FRMPD4: variants seen among roughly 807,000 people sequenced by gnomAD.
FRMPD4 encodes the protein FERM and PDZ domain-containing protein 4.
A neutral mutation model predicts 94.1 loss-of-function variants in FRMPD4; 22 were observed. The observed-to-expected ratio is 0.23, with a 90% CI of 0.17 to 0.33. FRMPD4 has a LOEUF of 0.33. Among genes scored for constraint, FRMPD4 ranks in the 10% least tolerant of loss-of-function variants. FRMPD4 has a pLI of 1.00. For synonymous variants in FRMPD4, 631 were observed against 548.6 expected (o/e 1.15, Z -2.10); for missense variants, 1,111 against 1,339.9 (o/e 0.83, Z 2.67).
chrX:12,476,561 C>G (rs1461568690), intron 1 of FRMPD4, among the ~76,000 whole-genome samples: 1 of 111,273 alleles, frequency 9.0e-6, no homozygotes, highest in African/African-American at 3.3e-5. Flanking sequence ...TTGCAATCTA[C>G]TCATCTGACA....
At chrX:12,318,419 G>A (rs964465105) in intron 1 of FRMPD4, among the ~76,000 whole-genome samples, 14 of 111,845 alleles carry the variant, frequency 1.3e-4, no homozygotes, top group African/African-American at 3.9e-4. Context: ...TAGCTACTTG[G>A]GAGGCTGAGA....
intron 5 of FRMPD4, among the ~76,000 whole-genome samples, chrX:12,681,730 C>A (rs1008328651): frequency 9.0e-6 from 1 of 110,981 alleles, no homozygotes. Flanking sequence ...CACGCACACA[C>A]ACGCACCCCA....
upstream of FRMPD4, among the ~76,000 whole-genome samples, chrX:12,137,991 G>A (rs781066407): frequency 3.3e-4 from 37 of 111,394 alleles, no homozygotes; most frequent in African/African-American, 1.1e-3. Context: ...CTCGAGGAGG[G>A]AGCAGCTGTG....
intron 3 of FRMPD4, among the ~76,000 whole-genome samples, chrX:12,001,183 T>G (rs6639122): frequency 0.088 from 9,823 of 111,306 alleles, 364 homozygotes; most frequent in East Asian, 0.24. Flanking sequence ...TCTCTCTATA[T>G]ACACCCCACT....
At chrX:11,881,907 A>G (rs2147313908) in intron 3 of FRMPD4, among the ~76,000 whole-genome samples, 1 of 111,906 alleles carries the variant, frequency 8.9e-6, no homozygotes, top group African/African-American at 3.2e-5. Context: ...ACTAAGACAT[A>G]CCAAGAACAG....
chrX:12,396,988 G>T (rs2056549826), intron 1 of FRMPD4, among the ~76,000 whole-genome samples: 1 of 111,485 alleles, frequency 9.0e-6, no homozygotes, highest in African/African-American at 3.3e-5. Flanking sequence ...TATTTCCCAG[G>T]TACTGAGGAG....
intron 1 of FRMPD4, among the ~76,000 whole-genome samples, chrX:12,273,033 C>A (rs1296577895): frequency 2.8e-5 from 3 of 108,049 alleles, no homozygotes; most frequent in Non-Finnish European, 5.7e-5. Context: ...GCCAAGATTG[C>A]ACCACTGTAC....
intron 1 of FRMPD4, among the ~76,000 whole-genome samples, chrX:12,200,504 T>G (rs975681936): frequency 7.1e-4 from 79 of 111,313 alleles, no homozygotes; most frequent in African/African-American, 2.5e-3. Context: ...TTTAAAATTT[T>G]TATTATTTTT....
intron 1 of FRMPD4, among the ~76,000 whole-genome samples, chrX:12,151,703 T>C (rs753762371): frequency 1.8e-5 from 2 of 112,194 alleles, no homozygotes; most frequent in Non-Finnish European, 3.8e-5. Flanking sequence ...ATTCTATCCT[T>C]AAGTTTTTAC....
chrX:12,535,767 A>G (rs1047256736), intron 2 of FRMPD4, among the ~76,000 whole-genome samples: 4 of 111,429 alleles, frequency 3.6e-5, no homozygotes, highest in Admixed American at 9.6e-5. Context: ...TTTGCACTAC[A>G]ATGGCAGTTT....
intron 4 of FRMPD4, among the ~76,000 whole-genome samples, chrX:12,638,528 A>G (rs1467582513): frequency 9.0e-6 from 1 of 111,652 alleles, no homozygotes; most frequent in African/African-American, 3.3e-5. Flanking sequence ...GAGCCACTGC[A>G]CCTGACCTGG....
intron 3 of FRMPD4, among the ~76,000 whole-genome samples, chrX:12,105,259 A>G (rs1469045044): frequency 8.9e-6 from 1 of 112,056 alleles, no homozygotes; most frequent in Non-Finnish European, 1.9e-5. Flanking sequence ...TGGCATTGGC[A>G]CAAACCATAC....
At chrX:11,999,807 G>A (rs1202356605) in intron 3 of FRMPD4, among the ~76,000 whole-genome samples, 1 of 111,711 alleles carries the variant, frequency 9.0e-6, no homozygotes, top group African/African-American at 3.3e-5. Flanking sequence ...GAACACACCA[G>A]CTCCCTCAAC....
Position 12,704,479 on chromosome X carries a change from T to C in FRMPD4, c.1191T>C (p.Gly397=), listed in dbSNP as rs2041841508. Residue 397 remains glycine, a synonymous_variant, in exon 11 of 17, where the codon GGT becomes GGC. Transcript: ENST00000675598. ...VKANQNLVPP[G]KKLSALQAKV... is the part of the protein sequence containing the mutation. ...CAAATCAAAACTTGGTACCACCGGG[T>C]AAAAAGGTATCACATTTCCATCTTA... 1.7e-6 allele frequency: 2 copies of C among 1,163,450 alleles called. No individual in the cohort carries two copies. Among genetic ancestry groups the C allele is most frequent in the East Asian group, 6.0e-5 (2 of 33,229 alleles).
intron 3 of FRMPD4, among the ~76,000 whole-genome samples, chrX:12,612,837 G>C (rs933346104): frequency 1.8e-5 from 2 of 112,002 alleles, no homozygotes; most frequent in African/African-American, 6.5e-5. Flanking sequence ...TGGTTTTTCT[G>C]AGTTCCTTAT....
intron 1 of FRMPD4, among the ~76,000 whole-genome samples, chrX:12,455,559 G>A (rs1378860805): frequency 8.9e-6 from 1 of 111,844 alleles, no homozygotes; most frequent in Non-Finnish European, 1.9e-5. Context: ...TTCGTGAATA[G>A]CTCCTTCTTG....
chrX:12,686,033 C>A, intron 6 of FRMPD4, 64 bp from the exon 7 acceptor site: 1 of 533,146 alleles, frequency 1.9e-6, no homozygotes, highest in Non-Finnish European at 3.3e-6. Flanking sequence ...AGATGTGCTG[C>A]TACTGCAAAG....
At chrX:12,145,977 G>A (rs1358002561) in intron 1 of FRMPD4, among the ~76,000 whole-genome samples, 1 of 111,873 alleles carries the variant, frequency 8.9e-6, no homozygotes, top group East Asian at 2.8e-4. Context: ...GATCCTCCCT[G>A]TCCCCTCCGT....
intron 1 of FRMPD4, among the ~76,000 whole-genome samples, chrX:12,464,724 T>A (rs188544942): frequency 1.1e-4 from 12 of 111,763 alleles, no homozygotes; most frequent in Non-Finnish European, 1.3e-4. Context: ...TTCCATTTGA[T>A]GTTGCTTTAG....
Sources: gnomAD v4.1 joint callset for allele counts (sites outside exome capture counted in the v4.1 genomes callset) on GRCh38, gnomAD v4.1.1 for gene constraint, MANE v1.5 for transcripts, NCBI Gene and HGNC (gene_info 2026-07-23, HGNC 2026-07-21) for gene names.